GNG4: variants seen among roughly 807,000 people sequenced by gnomAD.
GNG4 encodes the protein G protein subunit gamma 4.
GNG4 carries 4 observed loss-of-function variants against 5.8 expected under a neutral mutation model. The ratio of observed to expected loss-of-function variants is 0.69; its 90% confidence interval spans 0.34 to 1.57. The LOEUF is 1.57. Ranked by LOEUF, GNG4 falls within the 40% of genes most tolerant of loss-of-function variation. The pLI is 0.06. For synonymous variants in GNG4, 29 were observed against 32.9 expected (o/e 0.88, Z 0.41); for missense variants, 96 against 95.1 (o/e 1.01, Z -0.04).
intron 1 of GNG4, among the ~76,000 whole-genome samples, chr1:235,639,913 C>T (rs1571927788): frequency 6.6e-6 from 1 of 152,224 alleles, no homozygotes; most frequent in African/African-American, 2.4e-5. Flanking sequence ...ACATGGCACA[C>T]AGCAGCTGTC....
intron 3 of GNG4, among the ~76,000 whole-genome samples, chr1:235,581,909 T>C (rs200194718): frequency 6.6e-6 from 1 of 152,002 alleles, no homozygotes; most frequent in Non-Finnish European, 1.5e-5. Context: ...CTGTGGCAGG[T>C]GAAGATGCTA....
Position 235,649,245 on chromosome 1 carries a change from C to T in GNG4, c.-123+417G>A, listed in dbSNP as rs1657594810. The stretch of plus-strand genomic sequence containing the variant: ...TTCCCCAAAGAAAACGCCCAACCAG[C>T]CACGCCATCTCCTGCCACTGAGGTC... On this transcript the variant is annotated intron_variant, in intron 1 of 3. Transcript: ENST00000391854. The surrounding 1 kb of genome is among the most constrained non-coding windows in gnomAD (Gnocchi z 5.7). Among the ~76,000 whole-genome samples the T allele has an allele frequency of 6.6e-6, 1 of 152,244 alleles. No individual in the cohort carries two copies. Among genetic ancestry groups the T allele is most frequent in the African/African-American group, 2.4e-5 (1 of 41,476 alleles).
At chr1:235,577,597 C>T (rs562464353) in intron 3 of GNG4, among the ~76,000 whole-genome samples, 10 of 152,138 alleles carry the variant, frequency 6.6e-5, no homozygotes, top group Non-Finnish European at 8.8e-5. Context: ...CGTGCCACCA[C>T]GCCCGGCTAA....
intron 3 of GNG4, among the ~76,000 whole-genome samples, chr1:235,569,533 T>A (rs1301558995): frequency 6.6e-6 from 1 of 152,014 alleles, no homozygotes; most frequent in East Asian, 1.9e-4. Context: ...ATATTCTTTT[T>A]TTTTTGTTGT....
At chr1:235,617,600 G>T (rs1371270063) in intron 1 of GNG4, among the ~76,000 whole-genome samples, 1 of 152,080 alleles carries the variant, frequency 6.6e-6, no homozygotes. Flanking sequence ...TAAGAGACTT[G>T]CAGGCTGGGT....
In GNG4 at chr1:235,570,419, C is replaced by T. The variant is rs111742155; in HGVS notation, c.99+13321G>A. ...CTTTTTTTTTTTTTTTTTTTTGAGA[C>T]GGAGTTTCACTCCGTCACTCAGGCT... On this transcript the variant is annotated intron_variant, in intron 3 of 3. Coordinates refer to ENST00000391854, the MANE Select transcript of GNG4 (RefSeq NM_001098722.2). Among the ~76,000 whole-genome samples the T allele has an allele frequency of 8.2e-4, 90 of 110,096 alleles. 2 individuals are homozygous for T. Among genetic ancestry groups the T allele is most frequent in the Admixed American group, 6.4e-3 (55 of 8,578 alleles). The allele number at this position is 110,096 out of a possible 152,430, so 72.2% of individuals were successfully genotyped here.
chr1:235,563,432 A>AAAAAG (rs1687118613), intron 3 of GNG4, among the ~76,000 whole-genome samples: 1 of 132,436 alleles, frequency 7.6e-6, no homozygotes, highest in African/African-American at 3.0e-5. Flanking sequence ...AAAAAAAAAA[A>AAAAAG]GCGTTTTATC....
chr1:235,558,923 G>T (rs1448252466), intron 3 of GNG4, among the ~76,000 whole-genome samples: 1 of 152,220 alleles, frequency 6.6e-6, no homozygotes, highest in East Asian at 1.9e-4. Flanking sequence ...CAGAGTAAAA[G>T]AGGTGATTAA....
At chr1:235,555,679 TAA>T (rs59029355) in intron 3 of GNG4, among the ~76,000 whole-genome samples, 13 of 127,450 alleles carry the variant, frequency 1.0e-4, no homozygotes, top group Non-Finnish European at 6.5e-5. Context: ...ACCCTGTCTC[TAA>T]AAAAAAAAAA....
At chr1:235,589,047 C>T (rs1687897158) in intron 2 of GNG4, 2 of 152,282 alleles carry the variant, frequency 1.3e-5, no homozygotes, top group Non-Finnish European at 2.9e-5. Flanking sequence ...AGGAACATGG[C>T]TGTGCTTTGG....
At chr1:235,595,681 A>G (rs1290614433) in intron 1 of GNG4, among the ~76,000 whole-genome samples, 170 bp from the exon 2 acceptor site, 1 of 152,122 alleles carries the variant, frequency 6.6e-6, no homozygotes, top group Admixed American at 6.5e-5. Context: ...CTCGAGGCAG[A>G]CAGAGAACCC....
intron 3 of GNG4, among the ~76,000 whole-genome samples, chr1:235,570,336 C>G (rs371797499): frequency 6.6e-6 from 1 of 151,858 alleles, no homozygotes; most frequent in Admixed American, 6.6e-5. Context: ...TCCCACCTCC[C>G]TCCAATTCTT....
chr1:235,599,322 T>TTTTTGGTTTG (rs1491038958), intron 1 of GNG4, among the ~76,000 whole-genome samples: 2 of 36,276 alleles, frequency 5.5e-5, no homozygotes, highest in Non-Finnish European at 1.2e-4. Flanking sequence ...TTTGGTTTGT[T>TTTTTGGTTTG]TTTTTTTTTT....
intron 2 of GNG4, among the ~76,000 whole-genome samples, chr1:235,590,210 T>C (rs1323063177): frequency 6.6e-6 from 1 of 152,154 alleles, no homozygotes; most frequent in African/African-American, 2.4e-5. Flanking sequence ...ATTCCAGCAC[T>C]TTGGGAGGCC....
intron 3 of GNG4, among the ~76,000 whole-genome samples, chr1:235,555,262 G>A (rs1686871793): frequency 6.6e-6 from 1 of 152,068 alleles, no homozygotes; most frequent in South Asian, 2.1e-4. Flanking sequence ...TCTTCAGAGG[G>A]CAATCACTGG....
intron 2 of GNG4, among the ~76,000 whole-genome samples, chr1:235,584,626 T>G (rs569921237): frequency 1.3e-5 from 2 of 151,138 alleles, no homozygotes; most frequent in African/African-American, 4.9e-5. Context: ...CACACATTGA[T>G]GCCCCGTGAC....
chr1:235,570,862 A>ATATG (rs143958257), intron 3 of GNG4, among the ~76,000 whole-genome samples: 171 of 141,592 alleles, frequency 1.2e-3, no homozygotes, highest in Middle Eastern at 3.5e-3. Flanking sequence ...ATATATATAT[A>ATATG]TGTGTGTGTG....
At chr1:235,646,978 T>A (rs1295852260) in intron 1 of GNG4, among the ~76,000 whole-genome samples, 1 of 152,244 alleles carries the variant, frequency 6.6e-6, no homozygotes, top group Non-Finnish European at 1.5e-5. Flanking sequence ...AGTCTTTGGC[T>A]TATTCTTTAG....
chr1:235,638,076 T>C (rs1657182317), intron 1 of GNG4, among the ~76,000 whole-genome samples: 1 of 152,220 alleles, frequency 6.6e-6, no homozygotes. Flanking sequence ...GCTCCTGGTC[T>C]CCGATAAGCC....
Sources: gnomAD v4.1 joint callset for allele counts (sites outside exome capture counted in the v4.1 genomes callset) on GRCh38, gnomAD v4.1.1 for gene constraint, Gnocchi (gnomAD v3.1) non-coding constraint, MANE v1.5 for transcripts, NCBI Gene and HGNC (gene_info 2026-07-23, HGNC 2026-07-21) for gene names.